Variants in NCOR2 observed in about 807,000 individuals in gnomAD.
NCOR2 encodes nuclear receptor corepressor 2, also known as CTG repeat protein 26.
In NCOR2, 81 loss-of-function variants were observed where a neutral mutation model predicts 262.9. That is an observed-to-expected ratio of 0.31 (90% CI 0.26 to 0.37). NCOR2 has a LOEUF of 0.37. Among genes scored for constraint, NCOR2 ranks in the 10% least tolerant of loss-of-function variants. The pLI is 1.00. For synonymous variants in NCOR2, 1,659 were observed against 1,559.3 expected, an observed-to-expected ratio of 1.06 and a Z score of -1.51; for missense variants, 3,385 against 3,621.4, an observed-to-expected ratio of 0.93 and a Z score of 1.68.
At chr12:124,391,134 G>A (rs776810201) in intron 16 of NCOR2, among the ~76,000 whole-genome samples, 1 of 152,238 alleles carries the variant, frequency 6.6e-6, no homozygotes, top group Non-Finnish European at 1.5e-5. Flanking sequence ...ATGCCTCCAA[G>A]CTGCTTTTCT....
In NCOR2 at chr12:124,440,823, G is replaced by A. The variant is rs56752410; in HGVS notation, c.816-2827C>T. ...GATCTCCCAGAGAGGATGGCCTTGA[G>A]CTGGGATCTACGTCATCAGAAGGAC... On this transcript the variant is annotated intron_variant, in intron 7 of 46. Transcript: ENST00000405201. The surrounding 1 kb of genome is among the most constrained non-coding windows in gnomAD (Gnocchi z 5.7). 4.7e-3 allele frequency among the ~76,000 whole-genome samples: 717 copies of A among 152,320 alleles called. 24 individuals are homozygous for A. The East Asian group carries it at 0.081, about 17-fold the overall frequency.
chr12:124,466,046 T>C, intron 5 of NCOR2, 127 bp downstream of exon 7: 1 of 918,204 alleles, frequency 1.1e-6, no homozygotes, highest in Non-Finnish European at 1.6e-6. Flanking sequence ...CCTGCGTCTC[T>C]GGGGGAGAGG....
chr12:124,419,825 C>G (rs1053809051), intron 13 of NCOR2, 132 bp downstream of exon 15: 9 of 805,902 alleles, frequency 1.1e-5, no homozygotes, highest in Non-Finnish European at 1.9e-5. Context: ...TGCACTCACA[C>G]TGCCGGTGGC....
At chr12:124,544,873 G>A (rs991505872) in intron 1 of NCOR2, among the ~76,000 whole-genome samples, 1 of 151,872 alleles carries the variant, frequency 6.6e-6, no homozygotes, top group Non-Finnish European at 1.5e-5. Context: ...GCTCAACTTC[G>A]CAGAGGCAGT....
chr12:124,413,209 TG>T (rs1201877727), intron 13 of NCOR2, among the ~76,000 whole-genome samples: 8 of 152,278 alleles, frequency 5.3e-5, no homozygotes, highest in African/African-American at 1.9e-4. Context: ...ACGTGGGCGC[TG>T]TTGACCCTGG....
intron 16 of NCOR2, among the ~76,000 whole-genome samples, chr12:124,387,624 C>T (rs1785429185): frequency 1.3e-5 from 2 of 152,200 alleles, no homozygotes; most frequent in African/African-American, 4.8e-5. Flanking sequence ...CGTGGCCTCA[C>T]AGCCCGCTCC....
chr12:124,451,971 C>G (rs901245793), intron 6 of NCOR2, among the ~76,000 whole-genome samples: 1 of 152,132 alleles, frequency 6.6e-6, no homozygotes, highest in Non-Finnish European at 1.5e-5. Context: ...CCACTGGGCT[C>G]GGGCAATTCC....
intron 1 of NCOR2, among the ~76,000 whole-genome samples, chr12:124,557,557 A>G (rs1357423513): frequency 6.6e-6 from 1 of 152,164 alleles, no homozygotes; most frequent in Non-Finnish European, 1.5e-5. Flanking sequence ...ACGCATCCAC[A>G]AAGACCTTGT....
intron 1 of NCOR2, among the ~76,000 whole-genome samples, chr12:124,521,496 T>C (rs539767933): frequency 2.4e-4 from 36 of 151,910 alleles, no homozygotes; most frequent in African/African-American, 8.5e-4. Context: ...TTGTGCGGAG[T>C]GAAAGAAGCC....
In NCOR2 at chr12:124,566,818, G is replaced by T. The variant is rs1333233622; in HGVS notation, c.-165+490C>A. On this transcript the variant is annotated intron_variant, in intron 1 of 32. Coordinates refer to the NCOR2 transcript ENST00000458234. This position sits in a 1 kb window ranked among gnomAD's most constrained non-coding sequence, Gnocchi z 4.3. ...GGGACAAGGCTGGCTCTCCCCCTCG[G>T]CTGGTGAGAGACCCTCATGCGCCCC... Among the ~76,000 whole-genome samples the T allele has an allele frequency of 6.6e-6, 1 of 152,162 alleles. No individual in the cohort carries two copies.
chr12:124,511,461 TG>T (rs1195969479), intron 1 of NCOR2, among the ~76,000 whole-genome samples: 2 of 152,178 alleles, frequency 1.3e-5, no homozygotes, highest in Non-Finnish European at 2.9e-5. Flanking sequence ...TGGGGCTTGC[TG>T]GGGGATGAGT....
chr12:124,382,925 G>A (rs1171801318), intron 17 of NCOR2, among the ~76,000 whole-genome samples: 1 of 152,200 alleles, frequency 6.6e-6, no homozygotes, highest in Non-Finnish European at 1.5e-5. Context: ...ACGGAGAGGT[G>A]AAGCCCAGTA....
exon 28 of NCOR2, chr12:124,350,613 T>C (rs1294739266): frequency 6.2e-7 from 1 of 1,613,916 alleles, no homozygotes; most frequent in Non-Finnish European, 8.5e-7. Context: ...GTGGCCCTTC[T>C]TGCCTTCGTA....
intron 1 of NCOR2, among the ~76,000 whole-genome samples, chr12:124,559,049 C>A (rs536313315): frequency 6.6e-6 from 1 of 152,162 alleles, no homozygotes; most frequent in East Asian, 1.9e-4. Flanking sequence ...AAAAGACTGA[C>A]CCCCAGGAGC....
intron 6 of NCOR2, among the ~76,000 whole-genome samples, chr12:124,453,973 G>A (rs2045698725): frequency 6.6e-6 from 1 of 152,216 alleles, no homozygotes; most frequent in South Asian, 2.1e-4. Context: ...TCTGATGGAA[G>A]ACACCCTGGG....
chr12:124,420,766 C>T (rs2043160616), intron 12 of NCOR2, among the ~76,000 whole-genome samples: 1 of 152,232 alleles, frequency 6.6e-6, no homozygotes, highest in Non-Finnish European at 1.5e-5. Flanking sequence ...ATGCCCACAG[C>T]CGTTCCCCTT....
At position 124,479,571 on chromosome 12, in the gene NCOR2, ACGCG is replaced by A. The variant is rs796436124; in HGVS notation, c.411+4021_411+4024del. On this transcript the variant is annotated intron_variant, in intron 3 of 46. Coordinates refer to ENST00000405201, the Ensembl canonical transcript of NCOR2. ...CACACACAAACGCGCACACACACGC[ACGCG>A]CGCGCGCATGCACACACACACCCTG... is the stretch of plus-strand genomic sequence containing the variant. 2.6e-5 allele frequency among the ~76,000 whole-genome samples: 4 copies of A among 152,238 alleles called. No individual in the cohort carries two copies. In the South Asian group the frequency reaches 6.2e-4, roughly 24 times the overall value.
intron 20 of NCOR2, among the ~76,000 whole-genome samples, chr12:124,370,333 AT>A (rs1161384144): frequency 2.0e-5 from 3 of 152,142 alleles, no homozygotes; most frequent in Non-Finnish European, 4.4e-5. Context: ...GGACCCTGAG[AT>A]TTTGTTTTGT....
At chr12:124,438,405 T>G (rs946216008) in intron 7 of NCOR2, among the ~76,000 whole-genome samples, 3 of 150,430 alleles carry the variant, frequency 2.0e-5, no homozygotes, top group Admixed American at 1.3e-4. Flanking sequence ...ACAGGCCGGG[T>G]GTCAGAGTGT....
Sources: allele counts gnomAD v4.1 joint callset (sites outside exome capture counted in the v4.1 genomes callset), GRCh38; gene constraint gnomAD v4.1.1; non-coding constraint Gnocchi (gnomAD v3.1); transcripts MANE v1.5; gene names NCBI Gene and HGNC (gene_info 2026-07-23, HGNC 2026-07-21).